GBE1: variants seen among roughly 807,000 people sequenced by gnomAD.
GBE1 encodes 1,4-alpha-glucan branching enzyme 1, also known as 1,4-alpha-glucan-branching enzyme.
GBE1 carries 70 observed loss-of-function variants against 88.8 expected under a neutral mutation model. The ratio of observed to expected loss-of-function variants is 0.79; its 90% CI spans 0.65 to 0.96. GBE1 has a LOEUF of 0.96. GBE1 is among the 40% of genes least tolerant of loss of function. GBE1 has a pLI of 0.00. For missense variants in GBE1, 872 were observed against 871.0 expected, an observed-to-expected ratio of 1.00 and a Z score of -0.01; for synonymous variants, 284 against 300.1, an observed-to-expected ratio of 0.95 and a Z score of 0.56.
intron 14 of GBE1, among the ~76,000 whole-genome samples, chr3:81,500,070 A>G (rs1168484357): frequency 1.3e-5 from 2 of 152,216 alleles, no homozygotes; most frequent in African/African-American, 4.8e-5. Context: ...TCACATTAAT[A>G]GAAACTGTGA....
intron 1 of GBE1, among the ~76,000 whole-genome samples, chr3:81,706,117 T>C (rs1705772710): frequency 6.6e-6 from 1 of 152,112 alleles, no homozygotes; most frequent in Non-Finnish European, 1.5e-5. Flanking sequence ...TACTCGAGGG[T>C]GTCTCTGAAG....
intron 14 of GBE1, among the ~76,000 whole-genome samples, chr3:81,503,476 G>A (rs77483141): frequency 3.3e-5 from 5 of 152,236 alleles, no homozygotes; most frequent in South Asian, 2.1e-4. Context: ...AACAGACGGC[G>A]GAAAGACTAA....
At chr3:81,661,870 A>G (rs1705036659) in intron 3 of GBE1, among the ~76,000 whole-genome samples, 4 of 152,174 alleles carry the variant, frequency 2.6e-5, no homozygotes, top group Admixed American at 2.6e-4. Flanking sequence ...TATATTTCCT[A>G]AAACCCTGGT....
At chr3:81,530,540 G>A (rs761131824) in intron 14 of GBE1, among the ~76,000 whole-genome samples, 6 of 151,950 alleles carry the variant, frequency 3.9e-5, no homozygotes, top group Admixed American at 1.3e-4. Context: ...AGTGGTATCC[G>A]TATTAAGGGG....
At chr3:81,511,503 C>T (rs369754702) in intron 14 of GBE1, among the ~76,000 whole-genome samples, 3 of 151,760 alleles carry the variant, frequency 2.0e-5, no homozygotes, top group Non-Finnish European at 4.4e-5. Flanking sequence ...CCAAATAACC[C>T]CATTAGAAAA....
intron 7 of GBE1, among the ~76,000 whole-genome samples, chr3:81,616,246 T>C (rs1704246524): frequency 6.6e-6 from 1 of 152,182 alleles, no homozygotes. Flanking sequence ...AATTTTTCCT[T>C]GTATTGACAG....
chr3:81,629,840 A>G (rs1216952285), intron 7 of GBE1, among the ~76,000 whole-genome samples: 2 of 152,052 alleles, frequency 1.3e-5, no homozygotes, highest in Non-Finnish European at 2.9e-5. Flanking sequence ...AGCATTAGGT[A>G]TAATTCCTAA....
intron 8 of GBE1, among the ~76,000 whole-genome samples, chr3:81,592,866 C>G (rs1703898671): frequency 6.6e-6 from 1 of 152,114 alleles, no homozygotes; most frequent in South Asian, 2.1e-4. Flanking sequence ...TCAATAAAAT[C>G]TGTTGTGTTT....
At chr3:81,640,633 T>C (rs1432991183) in intron 7 of GBE1, among the ~76,000 whole-genome samples, 2 of 151,804 alleles carry the variant, frequency 1.3e-5, no homozygotes, top group African/African-American at 2.4e-5. Flanking sequence ...TAAATATATA[T>C]ATATATCCTA....
intron 7 of GBE1, among the ~76,000 whole-genome samples, chr3:81,633,884 T>C (rs976467031): frequency 6.6e-6 from 1 of 152,204 alleles, no homozygotes; most frequent in African/African-American, 2.4e-5. Context: ...TTATCCATCC[T>C]GCATGTATGT....
rs145495599 is a variant in GBE1, at chr3:81,619,196, A to T, written c.992+23585T>A. ...GATATTCTGCAGACCCCTCAGCACC[A>T]TGGCTAAACTATGCATGTAGTATTC... is the stretch of plus-strand genomic sequence containing the variant. On this transcript the variant is annotated intron_variant, in intron 7 of 15. Transcript: ENST00000429644. Among the ~76,000 whole-genome samples, 890 of 152,124 alleles carry T rather than the reference A, an allele frequency of 5.9e-3. 6 individuals carry two copies. Among genetic ancestry groups the T allele is most frequent in the African/African-American group, 0.017 (703 of 41,524 alleles).
chr3:81,658,906 T>C (rs1354035341), intron 3 of GBE1, among the ~76,000 whole-genome samples: 4 of 152,322 alleles, frequency 2.6e-5, no homozygotes, highest in Admixed American at 1.3e-4. Flanking sequence ...TGCTGAGATG[T>C]TGTAATCATG....
intron 15 of GBE1, among the ~76,000 whole-genome samples, chr3:81,491,122 T>C (rs1339367996): frequency 2.0e-5 from 3 of 152,132 alleles, no homozygotes; most frequent in East Asian, 1.9e-4. Flanking sequence ...CACTCCCCTT[T>C]TGTTGGATCT....
At chr3:81,598,473 T>C (rs1456641799) in intron 7 of GBE1, among the ~76,000 whole-genome samples, 1 of 152,006 alleles carries the variant, frequency 6.6e-6, no homozygotes, top group Non-Finnish European at 1.5e-5. Flanking sequence ...ATGTTTAATA[T>C]AATAACAGGT....
At chr3:81,509,524 T>C (rs1378173240) in intron 14 of GBE1, 1 of 151,978 alleles carries the variant, frequency 6.6e-6, no homozygotes, top group East Asian at 1.9e-4. Flanking sequence ...TCTGTTCTTA[T>C]CAGTTGAATT....
intron 3 of GBE1, among the ~76,000 whole-genome samples, chr3:81,663,651 G>T (rs1705063094): frequency 6.6e-6 from 1 of 152,154 alleles, no homozygotes; most frequent in Non-Finnish European, 1.5e-5. Flanking sequence ...AGGGCAGAGG[G>T]TCTAATTGAG....
At chr3:81,639,563 A>T (rs1393489952) in intron 7 of GBE1, among the ~76,000 whole-genome samples, 1 of 152,158 alleles carries the variant, frequency 6.6e-6, no homozygotes, top group African/African-American at 2.4e-5. Context: ...AAATTCTCTT[A>T]TCTTTACCTA....
intron 14 of GBE1, among the ~76,000 whole-genome samples, chr3:81,508,561 C>G (rs535330166): frequency 6.6e-6 from 1 of 152,160 alleles, no homozygotes; most frequent in African/African-American, 2.4e-5. Context: ...AAAAATTGTG[C>G]TTTTAAACTC....
At chr3:81,599,092 T>C (rs1703997148) in intron 7 of GBE1, among the ~76,000 whole-genome samples, 1 of 152,148 alleles carries the variant, frequency 6.6e-6, no homozygotes, top group South Asian at 2.1e-4. Context: ...CAATCAGGTA[T>C]TCTCTAGGAA....
Sources: allele counts gnomAD v4.1 joint callset (sites outside exome capture counted in the v4.1 genomes callset), GRCh38; gene constraint gnomAD v4.1.1; transcripts MANE v1.5; gene names NCBI Gene and HGNC (gene_info 2026-07-23, HGNC 2026-07-21).